FRMD4A: variants seen among roughly 807,000 people sequenced by gnomAD.
FRMD4A encodes the protein FERM domain-containing protein 4A.
A neutral mutation model predicts 129.1 loss-of-function variants in FRMD4A; 29 were observed. The observed-to-expected ratio is 0.22, with a 90% confidence interval of 0.17 to 0.31. The LOEUF (loss-of-function observed/expected upper bound fraction) is 0.31, where lower values mean the gene tolerates loss of function less well. Among genes scored for constraint, FRMD4A ranks in the 10% least tolerant of loss-of-function variants. FRMD4A has a pLI of 1.00. For synonymous variants in FRMD4A, 634 were observed against 571.6 expected (o/e 1.11, Z -1.56); for missense variants, 1,272 against 1,375.8 (o/e 0.92, Z 1.19).
chr10:14,210,331 T>G lies in FRMD4A; in HGVS notation c.45+119727A>C, dbSNP rs573126402. On this transcript the variant is annotated intron_variant, in intron 2 of 24. Coordinates refer to ENST00000357447, the MANE Select transcript of FRMD4A (RefSeq NM_018027.5). ...AGTGAGACCCAGGCACCAAATCTGC[T>G]GGCGCCTTGGTCTTGGACTTCCCAG... Among the ~76,000 whole-genome samples the G allele has an allele frequency of 1.4e-4, 22 of 152,328 alleles. No homozygotes were observed. The South Asian group carries it at 4.6e-3, about 32-fold the overall frequency.
At chr10:14,027,285 C>A (rs1174047096) in intron 2 of FRMD4A, among the ~76,000 whole-genome samples, 1 of 152,238 alleles carries the variant, frequency 6.6e-6, no homozygotes, top group African/African-American at 2.4e-5. Flanking sequence ...AGTTGAGTCT[C>A]CCAGTCTCAA....
intron 9 of FRMD4A, 54 bp from the exon 10 acceptor site, chr10:13,740,631 G>A (rs2090934485): frequency 5.7e-6 from 5 of 881,144 alleles, no homozygotes; most frequent in South Asian, 4.3e-5. Context: ...CAACAGCCAA[G>A]CTTCCTGCCA....
chr10:14,265,761 A>C (rs1370382515), intron 2 of FRMD4A, among the ~76,000 whole-genome samples: 1 of 152,216 alleles, frequency 6.6e-6, no homozygotes, highest in Non-Finnish European at 1.5e-5. Flanking sequence ...TCTGCATATT[A>C]AAATCCCAAA....
chr10:13,913,493 A>G (rs1354696971), intron 2 of FRMD4A, among the ~76,000 whole-genome samples: 1 of 152,224 alleles, frequency 6.6e-6, no homozygotes, highest in Non-Finnish European at 1.5e-5. Flanking sequence ...TTAGGCCACC[A>G]TCCCCAGGCT....
At chr10:13,883,960 CTTTA>C (rs1226305990) in intron 2 of FRMD4A, among the ~76,000 whole-genome samples, 4 of 152,036 alleles carry the variant, frequency 2.6e-5, no homozygotes, top group East Asian at 1.9e-4. Context: ...CTCGTTCTGA[CTTTA>C]TTTAACATTT....
Position 14,034,469 on chromosome 10 carries a change from T to C in FRMD4A, c.46-175557A>G, listed in dbSNP as rs193218902. ...GCTGTGGAACAGCCATGGGAGGATG[T>C]CTCTTGCCCTTTAAGCTTCCATGAG... On this transcript the variant is annotated intron_variant, in intron 2 of 24. Coordinates refer to ENST00000357447, the MANE Select transcript of FRMD4A (RefSeq NM_018027.5). 5.1e-3 allele frequency among the ~76,000 whole-genome samples: 777 copies of C among 152,272 alleles called. 1 individual carries two copies. Among genetic ancestry groups the C allele is most frequent in the African/African-American group, 0.018 (730 of 41,546 alleles).
chr10:13,883,323 CTACTAAAAA>C (rs1485404841), intron 2 of FRMD4A, among the ~76,000 whole-genome samples: 2 of 151,940 alleles, frequency 1.3e-5, no homozygotes, highest in Non-Finnish European at 2.9e-5. Context: ...AACCCCGTCT[CTACTAAAAA>C]TACAAAAAAA....
intron 2 of FRMD4A, among the ~76,000 whole-genome samples, chr10:14,328,369 T>TG (rs35809656): frequency 0.017 from 1,566 of 89,524 alleles, 41 homozygotes; most frequent in East Asian, 0.032. Context: ...TGTGTGTGGG[T>TG]GGGGGGGGGG....
chr10:13,681,206 C>G (rs1357593264), intron 15 of FRMD4A, among the ~76,000 whole-genome samples: 1 of 152,198 alleles, frequency 6.6e-6, no homozygotes, highest in African/African-American at 2.4e-5. Flanking sequence ...AGCCTTCTGC[C>G]AGTGCTGCTC....
At chr10:13,744,800 C>T (rs542855192) in intron 9 of FRMD4A, 11 of 152,362 alleles carry the variant, frequency 7.2e-5, no homozygotes, top group African/African-American at 2.6e-4. Flanking sequence ...TCCTGGTTAA[C>T]CTTGCTGAGT....
intron 15 of FRMD4A, among the ~76,000 whole-genome samples, chr10:13,679,267 C>G (rs754181155): frequency 6.8e-6 from 1 of 146,788 alleles, no homozygotes; most frequent in Non-Finnish European, 1.5e-5. Flanking sequence ...ACTAAAAATA[C>G]GAAAAAAAAA....
intron 2 of FRMD4A, chr10:14,082,942 C>G (rs1342215465): frequency 6.6e-6 from 1 of 152,192 alleles, no homozygotes; most frequent in Non-Finnish European, 1.5e-5. Flanking sequence ...ATTTGCCAAA[C>G]AAGATAGATA....
chr10:14,165,045 A>G (rs1463692301), intron 2 of FRMD4A, among the ~76,000 whole-genome samples: 1 of 152,244 alleles, frequency 6.6e-6, no homozygotes, highest in Non-Finnish European at 1.5e-5. Context: ...CCGCACAGCA[A>G]AAGAAACTAT....
At chr10:14,039,451 AATCAATCTATCT>A (rs1315613126) in intron 2 of FRMD4A, among the ~76,000 whole-genome samples, 17,531 of 113,646 alleles carry the variant, frequency 0.15, 1,315 homozygotes, top group Middle Eastern at 0.19. Context: ...CCCCAAAATC[AATCAATCTATCT>A]ATCTATCTAT....
rs550587670 is a variant in FRMD4A, at chr10:13,659,467, G to T, written c.1922C>A (p.Thr641Lys). ...TCCGCCGGCTTCCGCACAGCTTCCT[G>T]TGCTGGGGAAGCGCTTGTGGCTGCT... The part of the protein sequence containing the change: ...HSSSHKRFPS[T>K]GSCAEAGGGS... Residue 641 changes from threonine (T) to lysine (K), a missense_variant, in exon 21 of 25, where the codon ACA (threonine) becomes AAA (lysine). This residue lies in a region of FRMD4A where 972 missense variants were observed against 892.3 expected (regional missense o/e 1.09). Coordinates refer to ENST00000357447, the MANE Select transcript of FRMD4A (RefSeq NM_018027.5). The T allele has an allele frequency of 1.2e-6, 2 of 1,613,460 alleles. No homozygotes were observed. The highest frequency in any genetic ancestry group is 1.7e-6 in the Non-Finnish European group (2 of 1,179,768).
At chr10:14,112,914 A>G (rs917443741) in intron 2 of FRMD4A, among the ~76,000 whole-genome samples, 5 of 152,198 alleles carry the variant, frequency 3.3e-5, no homozygotes, top group Non-Finnish European at 5.9e-5. Context: ...TATTACAATT[A>G]CAGTGACAGA....
chr10:13,921,285 C>G (rs560766981), intron 2 of FRMD4A, among the ~76,000 whole-genome samples: 7 of 8,884 alleles, frequency 7.9e-4, no homozygotes, highest in African/African-American at 5.0e-3. Context: ...TCTTTCTTGA[C>G]AGATTCTCAC....
intron 6 of FRMD4A, among the ~76,000 whole-genome samples, chr10:13,777,419 C>A (rs981702230): frequency 6.6e-6 from 1 of 152,088 alleles, no homozygotes; most frequent in Non-Finnish European, 1.5e-5. Flanking sequence ...CCTTGGGATG[C>A]GACTTGGTCT....
chr10:14,320,232 A>G (rs534171615), intron 2 of FRMD4A, among the ~76,000 whole-genome samples: 140 of 152,268 alleles, frequency 9.2e-4, no homozygotes, highest in Non-Finnish European at 1.3e-4. Flanking sequence ...AAGAACCTGG[A>G]GAGGCTTCAG....
Sources: gnomAD v4.1 joint callset for allele counts (sites outside exome capture counted in the v4.1 genomes callset) on GRCh38, gnomAD v4.1.1 for gene constraint, gnomAD v4.1.1 regional missense constraint, MANE v1.5 for transcripts, NCBI Gene and HGNC (gene_info 2026-07-23, HGNC 2026-07-21) for gene names.